Variants in EDEM2 observed in about 807,000 individuals in gnomAD.
The protein encoded by EDEM2 is ER degradation enhancing alpha-mannosidase like protein 2.
A neutral mutation model predicts 64.8 loss-of-function variants in EDEM2; 39 were observed. That is an observed-to-expected ratio of 0.60 (90% CI 0.47 to 0.79). The LOEUF is 0.79. Ranked by LOEUF, EDEM2 falls within the 30% of genes least tolerant of loss-of-function variation. The pLI is 0.00. For missense variants in EDEM2, 609 were observed against 731.3 expected (o/e 0.83, Z 1.93); for synonymous variants, 296 against 291.5 (o/e 1.02, Z -0.16).
chr20:35,121,933 T>C (rs1426994450), intron 9 of EDEM2, among the ~76,000 whole-genome samples: 1 of 152,084 alleles, frequency 6.6e-6, no homozygotes, highest in Non-Finnish European at 1.5e-5. Context: ...ACTACAGGCA[T>C]GCAACACCAC....
At chr20:35,137,761 G>T in intron 5 of EDEM2, 119 bp downstream of exon 5, 1 of 1,431,810 alleles carries the variant, frequency 7.0e-7, no homozygotes, top group Non-Finnish European at 9.3e-7. Flanking sequence ...TGGGTAGAAA[G>T]ACCAAATACA....
chr20:35,123,813 T>G, intron 9 of EDEM2, 77 bp downstream of exon 9: 4 of 1,534,604 alleles, frequency 2.6e-6, no homozygotes, highest in Non-Finnish European at 3.5e-6. Context: ...TTGTGGAGGA[T>G]GGAGCCTTGT....
At chr20:35,131,849 C>T (rs2085510115) in intron 6 of EDEM2, 66 bp from the exon 7 acceptor site, 3 of 1,568,214 alleles carry the variant, frequency 1.9e-6, no homozygotes, top group Non-Finnish European at 2.6e-6. Context: ...TCTACTCACC[C>T]CCAACCCTGA....
chr20:35,130,759 A>G (rs569813619), intron 7 of EDEM2, among the ~76,000 whole-genome samples: 1 of 152,246 alleles, frequency 6.6e-6, no homozygotes, highest in Non-Finnish European at 1.5e-5. Flanking sequence ...GGACTACTGT[A>G]GCTATAATAA....
At chr20:35,117,629 C>T (rs1345731507) in intron 10 of EDEM2, among the ~76,000 whole-genome samples, 1 of 152,186 alleles carries the variant, frequency 6.6e-6, no homozygotes, top group Admixed American at 6.5e-5. Context: ...CTATATTTTA[C>T]TTATAGAATA....
At position 35,123,894 on chromosome 20, in the gene EDEM2, C is replaced by G; in HGVS notation, c.1110G>C (p.Arg370=). The G allele has an allele frequency of 6.2e-7, 1 of 1,613,650 alleles. No individual in the cohort carries two copies. The highest frequency in any genetic ancestry group is 1.1e-5 in the South Asian group (1 of 91,044). Residue 370 remains arginine (R), a synonymous_variant, in exon 9 of 11, where the codon CGG becomes CGC. Transcript: ENST00000374492. ...TVEKREGYPL[R]PELIESAMYL... The stretch of plus-strand genomic sequence containing the variant: ...CAAGCCAGAAATGCTGCTCACCTGG[C>G]CGAAGTGGGTAGCCCTCTCGCTTCT...
At chr20:35,136,524 A>C (rs1472759468) in intron 5 of EDEM2, among the ~76,000 whole-genome samples, 1 of 152,162 alleles carries the variant, frequency 6.6e-6, no homozygotes, top group Non-Finnish European at 1.5e-5. Flanking sequence ...TGGGAGTCCA[A>C]GGCAGATGGA....
intron 8 of EDEM2, among the ~76,000 whole-genome samples, chr20:35,124,856 T>C (rs1342747687): frequency 1.3e-5 from 2 of 152,228 alleles, no homozygotes; most frequent in Admixed American, 6.5e-5. Flanking sequence ...CAACAACTAA[T>C]GTGGCAATAA....
intron 2 of EDEM2, among the ~76,000 whole-genome samples, chr20:35,145,429 T>C (rs902505245): frequency 3.9e-5 from 6 of 152,228 alleles, no homozygotes; most frequent in Admixed American, 3.3e-4. Context: ...TGTCCACCCA[T>C]TAATGGGTGA....
intron 9 of EDEM2, among the ~76,000 whole-genome samples, chr20:35,122,860 CAGA>C (rs1005546427): frequency 2.0e-5 from 3 of 152,132 alleles, no homozygotes; most frequent in African/African-American, 7.2e-5. Context: ...GCAGGATAAC[CAGA>C]AGGCCTGTCC....
chr20:35,133,987 A>C, intron 6 of EDEM2: 1 of 414,276 alleles, frequency 2.4e-6, no homozygotes, highest in South Asian at 1.8e-5. Flanking sequence ...CACAGTTTCG[A>C]TGTAGCAAGG....
intron 7 of EDEM2, among the ~76,000 whole-genome samples, chr20:35,128,523 G>A (rs913116633): frequency 3.5e-5 from 5 of 144,324 alleles, no homozygotes; most frequent in South Asian, 2.2e-4. Flanking sequence ...CCGAGATGGT[G>A]CCACTGCACT....
chr20:35,133,138 C>T (rs1012875679), intron 6 of EDEM2, among the ~76,000 whole-genome samples: 6 of 151,706 alleles, frequency 4.0e-5, no homozygotes, highest in African/African-American at 1.5e-4. Context: ...GCTCCAGCTT[C>T]GGAGTGATCC....
intron 6 of EDEM2, 94 bp from the exon 7 acceptor site, chr20:35,131,877 G>C (rs958628622): frequency 9.5e-6 from 14 of 1,470,544 alleles, no homozygotes; most frequent in Admixed American, 4.3e-5. Flanking sequence ...GGGAGATGCA[G>C]GGCAGGTGCC....
Position 35,146,934 on chromosome 20 carries a change from C to A in EDEM2, c.109G>T (p.Glu37Ter). Residue 37 changes from glutamate to a stop codon, truncating the protein, a stop_gained and splice_region_variant, in exon 2 of 11, where the codon GAG becomes TAG. Coordinates refer to ENST00000374492, the MANE Select transcript of EDEM2 (RefSeq NM_018217.3). LOFTEE classifies it high-confidence loss of function. ...TGGTAGAACATGGCCTTGACTCGCT[C>A]CCTGGGTGGGGGACGAGAAATCAGG... Reference protein sequence around the residue: ...GSAPDPAHYRERVKAMFYHAY... With the variant: ...GSAPDPAHYR 1 of 1,612,928 alleles carries A rather than the reference C, an allele frequency of 6.2e-7. No homozygotes were observed. The highest frequency in any genetic ancestry group is 1.3e-5 in the African/African-American group (1 of 74,984).
chr20:35,115,566 A>G lies in EDEM2; in HGVS notation c.1604T>C (p.Phe535Ser). 1 of 1,614,074 alleles carries G rather than the reference A, an allele frequency of 6.2e-7. No homozygotes were observed. Among genetic ancestry groups the G allele is most frequent in the Non-Finnish European group, 8.5e-7 (1 of 1,180,018 alleles). The change falls in exon 11 of 11, where the codon TTC becomes TCC. Residue 535 changes from phenylalanine to serine, a missense_variant. By Grantham distance (155) the Phe-to-Ser change is radical. Transcript: ENST00000374492. ...TGCCTGGTCATGGTTTTCTGGTGAG[A>G]AGAGTGTTCCTGGCCTTGCTGGAGG... ...WEPPARPGTL[F>S]SPENHDQARE...
At chr20:35,116,977 G>C (rs2085316590) in intron 10 of EDEM2, among the ~76,000 whole-genome samples, 1 of 152,016 alleles carries the variant, frequency 6.6e-6, no homozygotes, top group South Asian at 2.1e-4. Flanking sequence ...ATTTTTAGTA[G>C]AGACAGGGTT....
rs142500162 is a variant in EDEM2 at position 35,128,041 on chromosome 20, G to A, written c.845-1666C>T. On this transcript the variant is annotated intron_variant, in intron 7 of 10. Transcript: ENST00000374492. ...TGATATTTAATAAACAACCATTTAC[G>A]CGTTTATGTATTTACTATATTATTA... Among the ~76,000 whole-genome samples, 258 of 152,084 alleles carry A rather than the reference G, an allele frequency of 1.7e-3. 3 individuals are homozygous for A. In the East Asian group the frequency reaches 0.021, roughly 13 times the overall value.
intron 4 of EDEM2, among the ~76,000 whole-genome samples, chr20:35,141,929 C>T (rs2085660010): frequency 6.6e-6 from 1 of 152,114 alleles, no homozygotes; most frequent in Non-Finnish European, 1.5e-5. Flanking sequence ...AATTCAATTC[C>T]ATAGTTGTAG....
Sources: allele counts gnomAD v4.1 joint callset (sites outside exome capture counted in the v4.1 genomes callset), GRCh38; gene constraint gnomAD v4.1.1; transcripts MANE v1.5; gene names NCBI Gene and HGNC (gene_info 2026-07-23, HGNC 2026-07-21).